Variants in NKTR observed in about 807,000 individuals in gnomAD.
NKTR encodes the protein NK-tumor recognition protein.
A neutral mutation model predicts 156.3 loss-of-function variants in NKTR; 67 were observed. The ratio of observed to expected loss-of-function variants is 0.43; its 90% CI spans 0.35 to 0.53. The LOEUF is 0.53. Among genes scored for constraint, NKTR ranks in the 20% least tolerant of loss-of-function variants. NKTR has a pLI of 0.01. For missense variants in NKTR, 1,604 were observed against 1,730.9 expected, an observed-to-expected ratio of 0.93 and a Z score of 1.30; for synonymous variants, 640 against 596.6, an observed-to-expected ratio of 1.07 and a Z score of -1.06.
intron 6 of NKTR, 54 bp downstream of exon 6, chr3:42,621,570 A>T: frequency 6.4e-7 from 1 of 1,568,524 alleles, no homozygotes; most frequent in East Asian, 2.3e-5. Flanking sequence ...AGCGCTGTTC[A>T]TAAGAAAGAT....
chr3:42,608,730 A>G (rs961911902), intron 2 of NKTR, among the ~76,000 whole-genome samples: 1 of 152,214 alleles, frequency 6.6e-6, no homozygotes, highest in Non-Finnish European at 1.5e-5. Context: ...TTTTCTGGCA[A>G]CCAGCCCTAT....
At chr3:42,605,495 T>A (rs1706146165) in intron 2 of NKTR, among the ~76,000 whole-genome samples, 1 of 152,228 alleles carries the variant, frequency 6.6e-6, no homozygotes, top group African/African-American at 2.4e-5. Context: ...GAGTACTACT[T>A]GTGTCCTTGG....
chr3:42,617,693 C>T, intron 3 of NKTR, 49 bp downstream of exon 3: 1 of 962,098 alleles, frequency 1.0e-6, no homozygotes, highest in Non-Finnish European at 1.7e-6. Context: ...ACAGTTTTAC[C>T]TTGCTGAACA....
chr3:42,624,087 A>T (rs1308118564), intron 6 of NKTR, among the ~76,000 whole-genome samples: 4 of 152,088 alleles, frequency 2.6e-5, no homozygotes, highest in Non-Finnish European at 5.9e-5. Context: ...TTCCTTAGGC[A>T]TATGTCATTT....
Position 42,638,448 on chromosome 3 carries a change from C to G in NKTR, c.2744C>G (p.Thr915Arg). 1 of 1,612,362 alleles carries G rather than the reference C, an allele frequency of 6.2e-7. No individual in the cohort carries two copies. Among genetic ancestry groups the G allele is most frequent in the East Asian group, 2.2e-5 (1 of 44,882 alleles). ...PSSDKEEGEA[T>R]SDSESEVSEI... ...TCTGACAAGGAAGAAGGTGAGGCCACATCCGATTCTGAATCAGAGGTTAGT... is the reference window on the plus strand; with the variant it reads ...TCTGACAAGGAAGAAGGTGAGGCCAGATCCGATTCTGAATCAGAGGTTAGT... The change falls in exon 13 of 17, where the codon ACA becomes AGA. Residue 915 changes from threonine to arginine, a missense_variant. This residue lies in a region of NKTR where 1,255 missense variants were observed against 1,243.7 expected (regional missense o/e 1.01). Transcript: ENST00000232978.
At chr3:42,616,762 T>G (rs73083401) in intron 2 of NKTR, among the ~76,000 whole-genome samples, 263 of 152,250 alleles carry the variant, frequency 1.7e-3, no homozygotes, top group Middle Eastern at 3.4e-3. Context: ...GAGTATTATT[T>G]TAAGAGTCTT....
In NKTR at chr3:42,639,631, C is replaced by T. The variant is rs1709707412; in HGVS notation, c.3927C>T (p.Ser1309=). The T allele has an allele frequency of 3.1e-6, 5 of 1,614,042 alleles. No individual in the cohort carries two copies. Among genetic ancestry groups the T allele is most frequent in the Non-Finnish European group, 4.2e-6 (5 of 1,179,922 alleles). ...DEQTPSRDDD[S]QSRSPSRSRS... ...AGACGCCTAGTCGGGATGATGATAG[C>T]CAGTCCAGGAGTCCAAGTAGATCTC... Residue 1309 remains serine, a synonymous_variant, in exon 13 of 17, where the codon AGC becomes AGT. Transcript: ENST00000232978.
intron 6 of NKTR, 59 bp from the exon 7 acceptor site, chr3:42,630,487 T>C (rs1708793061): frequency 1.2e-6 from 2 of 1,608,692 alleles, no homozygotes; most frequent in Admixed American, 1.7e-5. Context: ...ACCTTTCTGC[T>C]CTCTTCACCT....
chr3:42,638,798 G>T lies in NKTR; in HGVS notation c.3094G>T (p.Asp1032Tyr). ...TGAAGAGGAGGAGGAGGAGATTGAT[G>T]ACAAGCAAGTTACTCAGGAATCAAA... ...FGEEEEEEID[D>Y]KQVTQESKEK... The change falls in exon 13 of 17, where the codon GAC (aspartate) becomes TAC (tyrosine). Residue 1032 changes from aspartate (D) to tyrosine (Y), a missense_variant. Asp to Tyr is a radical substitution (Grantham distance 160). Around this residue, in one of 6 missense-constraint regions of NKTR, gnomAD observed 1,255 missense variants for 1,243.7 expected, o/e 1.01. Transcript: ENST00000232978. 1.9e-6 allele frequency: 3 copies of T among 1,611,586 alleles called. No individual in the cohort carries two copies. The highest frequency in any genetic ancestry group is 2.5e-6 in the Non-Finnish European group (3 of 1,179,478).
At chr3:42,605,487 G>A (rs1706144834) in intron 2 of NKTR, among the ~76,000 whole-genome samples, 1 of 152,208 alleles carries the variant, frequency 6.6e-6, no homozygotes, top group South Asian at 2.1e-4. Context: ...AAATGTTTGA[G>A]TACTACTTGT....
chr3:42,642,460 G>A lies in NKTR; in HGVS notation c.4047-41G>A. ...GTAATTAATTTTAATATCATGATGA[G>A]TCAACATAATTATATATTTTTTCAA... On this transcript the variant is annotated intron_variant, in intron 13 of 16. Transcript: ENST00000232978. The A allele has an allele frequency of 2.8e-6, 4 of 1,447,352 alleles. No homozygotes were observed. The South Asian group carries it at 3.4e-5, about 12-fold the overall frequency. 89.7% of individuals were successfully genotyped at this position (1,447,352 alleles called of 1,614,324 possible). A position where few individuals can be genotyped will look rare whatever the true frequency, so the allele number is the denominator to read the frequency against.
At chr3:42,614,130 C>T (rs1038283496) in intron 2 of NKTR, among the ~76,000 whole-genome samples, 1 of 152,144 alleles carries the variant, frequency 6.6e-6, no homozygotes, top group East Asian at 1.9e-4. Context: ...CTAAATTCCA[C>T]TAAATTATAA....
chr3:42,600,847 G>C (rs1009603265), intron 1 of NKTR, 69 bp downstream of exon 1: 3 of 479,338 alleles, frequency 6.3e-6, no homozygotes, highest in South Asian at 8.1e-5. Flanking sequence ...AGGGGGCCTC[G>C]TCTTGGCCTC....
Position 42,643,360 on chromosome 3 carries a change from C to T in NKTR, c.4164C>T (p.Ser1388=). 6.2e-7 allele frequency: 1 copy of T among 1,614,074 alleles called. No homozygotes were observed. Among genetic ancestry groups the T allele is most frequent in the Non-Finnish European group, 8.5e-7 (1 of 1,179,976 alleles). The part of the protein sequence containing the change: ...KSHRTSSRSR[S]RSSSYDPHSR... ...TTAGGACGTCCAGCAGGAGCAGATC[C>T]AGGAGCAGCTCATATGATCCCCACA... Residue 1388 remains serine (S), a synonymous_variant, in exon 15 of 17, where the codon TCC becomes TCT. Transcript: ENST00000232978.
chr3:42,633,372 A>C lies in NKTR; in HGVS notation c.774-208A>C, dbSNP rs921793870. On this transcript the variant is annotated intron_variant, in intron 9 of 16. Coordinates refer to ENST00000232978, the MANE Select transcript of NKTR (RefSeq NM_005385.4). ...GAACTCTTAAAATAAAAAAGTTAGG[A>C]TCATTTAACAATTTTCCTATCAAAA... The C allele has an allele frequency of 3.4e-5, 46 of 1,346,290 alleles. No homozygotes were observed. The African/African-American group carries it at 6.2e-4, about 18-fold the overall frequency. The allele number at this position is 1,346,290 out of a possible 1,614,324, so 83.4% of individuals were successfully genotyped here. A position where few individuals can be genotyped will look rare whatever the true frequency, so the allele number is the denominator to read the frequency against.
chr3:42,605,115 T>C (rs149312045), intron 2 of NKTR, among the ~76,000 whole-genome samples: 292 of 152,358 alleles, frequency 1.9e-3, no homozygotes, highest in African/African-American at 5.6e-3. Flanking sequence ...TGACACCTTA[T>C]ATTCCTAGTA....
At chr3:42,645,691 AAAAAG>A (rs1052924785) in intron 16 of NKTR, among the ~76,000 whole-genome samples, 192 bp from the exon 17 acceptor site, 3 of 152,104 alleles carry the variant, frequency 2.0e-5, no homozygotes, top group Non-Finnish European at 4.4e-5. Flanking sequence ...TCTCAAAAAG[AAAAAG>A]AAAAGTCCAT....
chr3:42,635,403 T>C (rs745823259), intron 12 of NKTR, 37 bp downstream of exon 12: 1 of 1,519,930 alleles, frequency 6.6e-7, no homozygotes, highest in Non-Finnish European at 8.9e-7. Context: ...CCTGTGTCTG[T>C]TATATTTTAA....
chr3:42,620,058 C>T, intron 5 of NKTR: 2 of 1,534,190 alleles, frequency 1.3e-6, no homozygotes, highest in South Asian at 2.4e-5. Context: ...GAGAACGAAG[C>T]TCAGTAACAC....
Sources: gnomAD v4.1 joint callset for allele counts (sites outside exome capture counted in the v4.1 genomes callset) on GRCh38, gnomAD v4.1.1 for gene constraint, gnomAD v4.1.1 regional missense constraint, MANE v1.5 for transcripts, NCBI Gene and HGNC (gene_info 2026-07-23, HGNC 2026-07-21) for gene names.